The following LTBP1 variants were observed in gnomAD, a reference collection of about 807,000 sequenced individuals.
LTBP1 encodes latent transforming growth factor beta binding protein 1.
In LTBP1, 129 loss-of-function variants were observed where a neutral mutation model predicts 207.6. That is an observed-to-expected ratio of 0.62 (90% CI 0.54 to 0.72). The LOEUF (loss-of-function observed/expected upper bound fraction) is 0.72, where lower values mean the gene tolerates loss of function less well. Among genes scored for constraint, LTBP1 ranks in the 30% least tolerant of loss-of-function variants. The pLI is 0.00. For missense variants in LTBP1, 2,281 were observed against 2,217.2 expected (o/e 1.03, Z -0.58); for synonymous variants, 963 against 833.7 (o/e 1.16, Z -2.67).
At chr2:32,952,363 G>A (rs1019285769) in intron 2 of LTBP1, among the ~76,000 whole-genome samples, 2 of 152,214 alleles carry the variant, frequency 1.3e-5, no homozygotes, top group African/African-American at 4.8e-5. Flanking sequence ...ACAATGTAGA[G>A]ATGCCTGGTT....
At chr2:33,178,232 G>A (rs543229095) in intron 5 of LTBP1, among the ~76,000 whole-genome samples, 14 of 152,326 alleles carry the variant, frequency 9.2e-5, no homozygotes, top group Admixed American at 8.5e-4. Context: ...TGAGGTTTAG[G>A]AATCATTAGG....
chr2:33,078,423 A>C lies in LTBP1; in HGVS notation c.864-32159A>C, dbSNP rs430950. On this transcript the variant is annotated intron_variant, in intron 3 of 33. Coordinates refer to ENST00000404816, the MANE Select transcript of LTBP1 (RefSeq NM_206943.4). ...TTACCTAAAATTAGCTGTGCTGTTA[A>C]AAGAGTGAATAATAATGCTAATAAT... 2.6e-5 allele frequency among the ~76,000 whole-genome samples: 4 copies of C among 152,190 alleles called. No homozygotes were observed. The East Asian group carries it at 5.8e-4, about 22-fold the overall frequency.
chr2:33,392,685 T>C (rs1167023769), intron 32 of LTBP1, among the ~76,000 whole-genome samples: 1 of 152,186 alleles, frequency 6.6e-6, no homozygotes, highest in Non-Finnish European at 1.5e-5. Flanking sequence ...TGCAGAAGTA[T>C]TTTGGGGAGC....
At chr2:33,188,469 A>G (rs2087459704) in intron 6 of LTBP1, 108 bp from the exon 7 acceptor site, 1 of 794,938 alleles carries the variant, frequency 1.3e-6, no homozygotes, top group East Asian at 2.5e-5. Context: ...ATGCAGCAAA[A>G]TGCTACACAT....
rs546263926 is a variant in LTBP1 at position 33,073,077 on chromosome 2, GTTAATC to G, written c.864-37496_864-37491del. Among the ~76,000 whole-genome samples, 265 of 152,302 alleles carry G rather than the reference GTTAATC, an allele frequency of 1.7e-3. 1 individual carries two copies. Among genetic ancestry groups the G allele is most frequent in the Admixed American group, 2.4e-3 (37 of 15,306 alleles). Reference sequence around the variant, plus strand: ...TTCGGTTGGCATTCACGTGGTCATTGTTAATCTTAATCTTGGCCAGTTCAGTAGTTG... The same window carrying G: ...TTCGGTTGGCATTCACGTGGTCATTGTTAATCTTGGCCAGTTCAGTAGTTG... On this transcript the variant is annotated intron_variant, in intron 3 of 33. Coordinates refer to ENST00000404816, the MANE Select transcript of LTBP1 (RefSeq NM_206943.4).
At chr2:33,253,189 C>T (rs1014471542) in intron 11 of LTBP1, among the ~76,000 whole-genome samples, 1 of 152,178 alleles carries the variant, frequency 6.6e-6, no homozygotes, top group Admixed American at 6.5e-5. Context: ...TGATTGGCTG[C>T]TCATCAATTC....
intron 3 of LTBP1, among the ~76,000 whole-genome samples, chr2:33,092,708 T>G (rs1184458434): frequency 6.6e-6 from 1 of 152,182 alleles, no homozygotes; most frequent in Non-Finnish European, 1.5e-5. Context: ...GGAAGGAGTA[T>G]TTGAGGAGCT....
At chr2:33,206,123 A>ATTC (rs1232539947) in intron 7 of LTBP1, among the ~76,000 whole-genome samples, 33 of 152,348 alleles carry the variant, frequency 2.2e-4, no homozygotes, top group Middle Eastern at 3.4e-3. Flanking sequence ...TCTTTGGGGA[A>ATTC]CAATGGATGT....
chr2:33,398,335 G>A, intron 33 of LTBP1, 29 bp from the exon 34 acceptor site: 3 of 1,602,878 alleles, frequency 1.9e-6, no homozygotes, highest in Non-Finnish European at 2.6e-6. Flanking sequence ...ATCCAAGATT[G>A]TTTACCTGCA....
chr2:33,357,016 G>A (rs937701173), intron 26 of LTBP1, among the ~76,000 whole-genome samples: 1 of 152,168 alleles, frequency 6.6e-6, no homozygotes, highest in Non-Finnish European at 1.5e-5. Context: ...GAGAAGATTA[G>A]CTCATAAAAA....
chr2:33,392,901 T>A (rs1168823199), intron 32 of LTBP1, among the ~76,000 whole-genome samples: 1 of 151,304 alleles, frequency 6.6e-6, no homozygotes, highest in African/African-American at 2.4e-5. Flanking sequence ...TAAATTGGGG[T>A]CTCACTATAT....
intron 3 of LTBP1, among the ~76,000 whole-genome samples, chr2:33,035,161 G>T (rs1394135509): frequency 1.3e-5 from 2 of 152,174 alleles, no homozygotes; most frequent in African/African-American, 4.8e-5. Flanking sequence ...TTAGCAACAC[G>T]TTGCTAATGG....
chr2:33,177,066 C>T (rs1212388213), intron 5 of LTBP1, among the ~76,000 whole-genome samples: 2 of 152,092 alleles, frequency 1.3e-5, no homozygotes, highest in Non-Finnish European at 2.9e-5. Flanking sequence ...AAATAACTTA[C>T]CCAATGTCCT....
chr2:32,947,863 C>A, intron 1 of LTBP1, 45 bp downstream of exon 1: 4 of 1,272,782 alleles, frequency 3.1e-6, no homozygotes, highest in Middle Eastern at 5.9e-4. Context: ...CTCGCGCGCA[C>A]CGCCCGCGGA....
At chr2:32,962,628 G>T (rs1679309425) in intron 2 of LTBP1, among the ~76,000 whole-genome samples, 2 of 152,218 alleles carry the variant, frequency 1.3e-5, no homozygotes, top group African/African-American at 4.8e-5. Flanking sequence ...TGTTTTACGA[G>T]AATGTATATT....
intron 31 of LTBP1, among the ~76,000 whole-genome samples, chr2:33,373,987 A>G (rs1404010630): frequency 1.3e-5 from 2 of 152,218 alleles, no homozygotes; most frequent in African/African-American, 2.4e-5. Flanking sequence ...AATGTCTTCA[A>G]ACAATTCGGC....
intron 5 of LTBP1, among the ~76,000 whole-genome samples, chr2:33,144,717 A>G (rs943910068): frequency 6.6e-5 from 10 of 152,252 alleles, no homozygotes; most frequent in African/African-American, 2.2e-4. Context: ...TGCAGTATAT[A>G]TACCTGCACC....
chr2:33,190,346 G>GTA (rs200647528), intron 7 of LTBP1, among the ~76,000 whole-genome samples: 1,582 of 152,242 alleles, frequency 0.01, 27 homozygotes, highest in African/African-American at 0.034. Context: ...TATCGTGTGT[G>GTA]TGTGTATATG....
intron 9 of LTBP1, among the ~76,000 whole-genome samples, chr2:33,233,237 GCATTTTGAATGGTTATCTCAGTTC>G (rs1176979675): frequency 2.6e-5 from 4 of 151,910 alleles, no homozygotes; most frequent in Non-Finnish European, 4.4e-5. Context: ...CTTTTTCGCT[GCATTTTGAATGGTTATCTCAGTTC>G]CATTTTCCAA....
Sources: allele counts gnomAD v4.1 joint callset (sites outside exome capture counted in the v4.1 genomes callset), GRCh38; gene constraint gnomAD v4.1.1; transcripts MANE v1.5; gene names NCBI Gene and HGNC (gene_info 2026-07-23, HGNC 2026-07-21).